The following RALGAPA1 variants were observed in gnomAD, a reference collection of about 807,000 sequenced individuals.
RALGAPA1 encodes the protein ral GTPase-activating protein subunit alpha-1.
A neutral mutation model predicts 269.6 loss-of-function variants in RALGAPA1; 52 were observed. The ratio of observed to expected loss-of-function variants is 0.19; its 90% confidence interval spans 0.15 to 0.24. RALGAPA1 has a LOEUF of 0.24. Ranked by LOEUF, RALGAPA1 falls within the 10% of genes least tolerant of loss-of-function variation. The pLI is 1.00. For missense variants in RALGAPA1, 1,917 were observed against 3,013.9 expected, an observed-to-expected ratio of 0.64 and a Z score of 8.52; for synonymous variants, 817 against 1,008.3, an observed-to-expected ratio of 0.81 and a Z score of 3.60.
chr14:35,739,277 TA>T (rs2071332554), intron 11 of RALGAPA1, among the ~76,000 whole-genome samples: 1 of 152,180 alleles, frequency 6.6e-6, no homozygotes. Context: ...CCAATATCTT[TA>T]AATAGTTAAG....
chr14:35,549,289 T>C, intron 39 of RALGAPA1, 55 bp from the exon 40 acceptor site: 1 of 1,564,610 alleles, frequency 6.4e-7, no homozygotes, highest in Admixed American at 1.9e-5. Context: ...GGAAAAAAAA[T>C]CTTATCAAAA....
intron 27 of RALGAPA1, among the ~76,000 whole-genome samples, chr14:35,660,593 G>A (rs2063476025): frequency 6.6e-6 from 1 of 151,958 alleles, no homozygotes; most frequent in African/African-American, 2.4e-5. Flanking sequence ...CTACTTCTGG[G>A]TATATATATC....
rs749562519 is a variant in RALGAPA1, at chr14:35,746,902, G to C, written c.1251+1683C>G. Among the ~76,000 whole-genome samples the C allele has an allele frequency of 5.4e-4, 82 of 151,462 alleles. 1 individual carries two copies. Among genetic ancestry groups the C allele is most frequent in the Non-Finnish European group, 2.2e-4 (15 of 67,926 alleles). ...TTATACGATAACCACTAAAGGAAAA[G>C]GAATGGGGGCTGGGGGGAAAAGATA... On this transcript the variant is annotated intron_variant, in intron 10 of 41. Coordinates refer to ENST00000680220, the MANE Select transcript of RALGAPA1 (RefSeq NM_001346249.2).
rs1170409050 is a variant in RALGAPA1 at position 35,797,009 on chromosome 14, G to C, written c.106+11721C>G. 1.3e-5 allele frequency among the ~76,000 whole-genome samples: 2 copies of C among 152,066 alleles called. 1 individual carries two copies. On this transcript the variant is annotated intron_variant, in intron 1 of 41. Coordinates refer to ENST00000680220, the MANE Select transcript of RALGAPA1 (RefSeq NM_001346249.2). ...TCACCGTGTTAGCCAGGATGGTCTC[G>C]ATCTCCTGACCTCGTGATCCGCCCA... is the stretch of plus-strand genomic sequence containing the variant.
chr14:35,689,736 G>T lies in RALGAPA1; in HGVS notation c.2675C>A (p.Thr892Asn). The T allele has an allele frequency of 6.7e-7, 1 of 1,482,758 alleles. No individual in the cohort carries two copies. Among genetic ancestry groups the T allele is most frequent in the South Asian group, 1.4e-5 (1 of 69,702 alleles). 91.9% of individuals were successfully genotyped at this position (1,482,758 alleles called of 1,614,324 possible). A position where few individuals can be genotyped will look rare whatever the true frequency, so the allele number is the denominator to read the frequency against. ...SITRSTESHI[T>N]DTHSRESSLE... ...AGAAGACTCTCTACTATGAGTATCA[G>T]TGATGTGGCTTTCAGTGGATCTAGT... Residue 892 changes from threonine (T) to asparagine (N), a missense_variant, in exon 18 of 42, where the codon ACT (threonine) becomes AAT (asparagine). By Grantham distance (65) the Thr-to-Asn change is moderately conservative. Transcript: ENST00000680220.
intron 12 of RALGAPA1, among the ~76,000 whole-genome samples, chr14:35,733,419 G>T (rs985814350): frequency 2.0e-5 from 3 of 152,172 alleles, no homozygotes; most frequent in African/African-American, 7.2e-5. Context: ...GGAGTATGCA[G>T]TGAGTTGAGA....
At chr14:35,556,656 G>C (rs1389252807) in intron 39 of RALGAPA1, among the ~76,000 whole-genome samples, 1 of 152,184 alleles carries the variant, frequency 6.6e-6, no homozygotes, top group Non-Finnish European at 1.5e-5. Flanking sequence ...TGATTTGTCA[G>C]AGCAGACAAA....
At chr14:35,781,379 C>T (rs2075414986) in intron 1 of RALGAPA1, among the ~76,000 whole-genome samples, 1 of 152,058 alleles carries the variant, frequency 6.6e-6, no homozygotes, top group Admixed American at 6.6e-5. Context: ...AAAACTACTT[C>T]AAAGAAAAGC....
At chr14:35,732,444 A>C (rs2070584200) in intron 12 of RALGAPA1, among the ~76,000 whole-genome samples, 1 of 152,192 alleles carries the variant, frequency 6.6e-6, no homozygotes, top group African/African-American at 2.4e-5. Flanking sequence ...TAAATGCTCC[A>C]CTTAAAAGAT....
chr14:35,601,150 C>G (rs1269991206), intron 36 of RALGAPA1, among the ~76,000 whole-genome samples: 1 of 152,196 alleles, frequency 6.6e-6, no homozygotes, highest in Non-Finnish European at 1.5e-5. Flanking sequence ...TAAGGGTGAC[C>G]TCACTACTGC....
At chr14:35,733,217 C>T (rs1309434906) in intron 12 of RALGAPA1, among the ~76,000 whole-genome samples, 2 of 152,108 alleles carry the variant, frequency 1.3e-5, no homozygotes, top group South Asian at 2.1e-4. Flanking sequence ...GTGGCTCACA[C>T]CTGTAATCCC....
At chr14:35,576,866 C>T (rs1246509906) in intron 37 of RALGAPA1, among the ~76,000 whole-genome samples, 1 of 152,146 alleles carries the variant, frequency 6.6e-6, no homozygotes, top group East Asian at 1.9e-4. Flanking sequence ...TATATTGTTT[C>T]TTGTTAAATA....
chr14:35,595,504 A>C, intron 37 of RALGAPA1, 130 bp downstream of exon 37: 6 of 764,456 alleles, frequency 7.8e-6, no homozygotes, highest in Non-Finnish European at 1.3e-5. Flanking sequence ...TTTTCAAGAC[A>C]GCACTGGGTG....
intron 1 of RALGAPA1, among the ~76,000 whole-genome samples, chr14:35,800,638 A>G (rs2076898219): frequency 6.6e-6 from 1 of 152,262 alleles, no homozygotes; most frequent in Non-Finnish European, 1.5e-5. Flanking sequence ...AACAGTTTCA[A>G]ATCAATAATC....
intron 35 of RALGAPA1, among the ~76,000 whole-genome samples, chr14:35,614,103 G>A (rs902229545): frequency 2.0e-5 from 3 of 152,072 alleles, no homozygotes; most frequent in African/African-American, 7.3e-5. Flanking sequence ...GGCATGGAGA[G>A]TATGTAACAC....
At chr14:35,606,681 G>A (rs905049904) in intron 35 of RALGAPA1, among the ~76,000 whole-genome samples, 5 of 151,034 alleles carry the variant, frequency 3.3e-5, no homozygotes, top group Non-Finnish European at 1.5e-5. Context: ...TTTACTTTAG[G>A]TTGATTTAAC....
In RALGAPA1 at chr14:35,688,601, AC is replaced by A; in HGVS notation, c.3809del (p.Gly1270ValfsTer32). On this transcript the variant is annotated frameshift_variant, in exon 18 of 42. Coordinates refer to ENST00000680220, the MANE Select transcript of RALGAPA1 (RefSeq NM_001346249.2). LOFTEE classifies it high-confidence loss of function. The stretch of plus-strand genomic sequence containing the variant: ...CATGTACAACAGTTTTATAAACGCC[AC>A]CCAGGGAGCCCTGCTGTAGTCCTGC... ...HEAGLQQGSL[G>X]GVYKTVVHAL... 6.5e-7 allele frequency: 1 copy of A among 1,535,570 alleles called. No individual in the cohort carries two copies. The highest frequency in any genetic ancestry group is 8.7e-7 in the Non-Finnish European group (1 of 1,146,802).
intron 31 of RALGAPA1, among the ~76,000 whole-genome samples, chr14:35,642,880 A>T (rs986180996): frequency 6.6e-6 from 1 of 152,188 alleles, no homozygotes; most frequent in Admixed American, 6.5e-5. Context: ...GGACATATGC[A>T]CGTGTATGTT....
chr14:35,703,261 C>T (rs1440310865), intron 16 of RALGAPA1, among the ~76,000 whole-genome samples: 1 of 152,144 alleles, frequency 6.6e-6, no homozygotes, highest in Non-Finnish European at 1.5e-5. Flanking sequence ...GGCTTGAGCC[C>T]AAGAGTTTGA....
Sources: allele counts gnomAD v4.1 joint callset (sites outside exome capture counted in the v4.1 genomes callset), GRCh38; gene constraint gnomAD v4.1.1; transcripts MANE v1.5; gene names NCBI Gene and HGNC (gene_info 2026-07-23, HGNC 2026-07-21).